Variants in NSF observed in about 807,000 individuals in gnomAD.
The protein encoded by NSF is vesicle-fusing ATPase.
NSF carries 14 observed loss-of-function variants against 50.3 expected under a neutral mutation model. The ratio of observed to expected loss-of-function variants is 0.28; its 90% CI spans 0.18 to 0.44. NSF has a LOEUF of 0.44. Among genes scored for constraint, NSF ranks in the 20% least tolerant of loss-of-function variants. The pLI is 1.00. For missense variants in NSF, 218 were observed against 504.3 expected (o/e 0.43, Z 5.44); for synonymous variants, 109 against 175.7 (o/e 0.62, Z 3.00).
At chr17:46,734,771 A>G (rs1348176951) in intron 17 of NSF, among the ~76,000 whole-genome samples, 1 of 152,194 alleles carries the variant, frequency 6.6e-6, no homozygotes, top group African/African-American at 2.4e-5. Flanking sequence ...AAAACAGTGA[A>G]ATAGGCCAGA....
At position 46,727,489 on chromosome 17, in the gene NSF, G is replaced by C. The variant is rs149220130; in HGVS notation, c.1828+874G>C. Among the ~76,000 whole-genome samples, 26 of 152,282 alleles carry C rather than the reference G, an allele frequency of 1.7e-4. No individual in the cohort carries two copies. The East Asian group carries it at 4.4e-3, about 26-fold the overall frequency. Reference sequence around the variant, plus strand: ...TCTTTAAGCTGTCCATAATGGTGTAGTCGTGATTTCAAGCTAACTGTTCTT... The same window carrying C: ...TCTTTAAGCTGTCCATAATGGTGTACTCGTGATTTCAAGCTAACTGTTCTT... On this transcript the variant is annotated intron_variant, in intron 16 of 20. Transcript: ENST00000398238.
At position 46,750,139 on chromosome 17, in the gene NSF, G is replaced by C. The variant is rs1271660263; in HGVS notation, c.2043+232G>C. The stretch of plus-strand genomic sequence containing the variant: ...AGGACGGGGCAGGTGGATCACTTGA[G>C]GTCAGGAGTTCGAGACCAGCCTGGC... On this transcript the variant is annotated intron_variant, in intron 18 of 20. Transcript: ENST00000398238. 1.3e-5 allele frequency among the ~76,000 whole-genome samples: 2 copies of C among 152,166 alleles called. 1 individual carries two copies. The highest frequency in any genetic ancestry group is 4.1e-4 in the South Asian group (2 of 4,826).
chr17:46,737,704 G>A (rs902165932), intron 17 of NSF, among the ~76,000 whole-genome samples: 4 of 151,856 alleles, frequency 2.6e-5, no homozygotes, highest in Non-Finnish European at 4.4e-5. Flanking sequence ...TATATGTTAC[G>A]TGGTTCCAGT....
chr17:46,717,709 C>T (rs954962920), intron 15 of NSF, among the ~76,000 whole-genome samples: 4 of 152,128 alleles, frequency 2.6e-5, no homozygotes, highest in African/African-American at 9.7e-5. Flanking sequence ...AAGACTCCAT[C>T]TAAAAAATAA....
At chr17:46,754,149 C>CTTTTTT (rs71363599) in intron 19 of NSF, among the ~76,000 whole-genome samples, 1 of 134,008 alleles carries the variant, frequency 7.5e-6, no homozygotes, top group Non-Finnish European at 1.6e-5. Flanking sequence ...CCAGCCAGTT[C>CTTTTTT]TTTTTTTTTT....
At chr17:46,748,562 C>G (rs2059153514) in intron 17 of NSF, among the ~76,000 whole-genome samples, 1 of 152,104 alleles carries the variant, frequency 6.6e-6, no homozygotes, top group Admixed American at 6.5e-5. Flanking sequence ...GCAGCATAGA[C>G]AGGGGAATAG....
chr17:46,745,468 C>T (rs1280005019), intron 17 of NSF, among the ~76,000 whole-genome samples: 1 of 152,204 alleles, frequency 6.6e-6, no homozygotes, highest in East Asian at 1.9e-4. Context: ...TATGGTTGCT[C>T]TACATTTCCC....
In NSF at chr17:46,713,989, A is replaced by G; in HGVS notation, c.1761+3A>G. On this transcript the variant is annotated splice_donor_region_variant and intron_variant, in intron 15 of 20. Transcript: ENST00000398238. ...CCAAATGTCAGGCCATGAAGAAGGT[A>G]TCAAGATTTTACTTTCATTTTAATT... 1.3e-6 allele frequency: 2 copies of G among 1,598,256 alleles called. No homozygotes were observed. Among genetic ancestry groups the G allele is most frequent in the Non-Finnish European group, 1.7e-6 (2 of 1,176,016 alleles).
intron 18 of NSF, among the ~76,000 whole-genome samples, chr17:46,750,799 C>A (rs988366910): frequency 1.3e-5 from 2 of 151,198 alleles, no homozygotes; most frequent in Non-Finnish European, 2.9e-5. Flanking sequence ...AGCACATTTC[C>A]TTGCATTTAA....
chr17:46,722,237 A>G, intron 15 of NSF: 1 of 1,231,620 alleles, frequency 8.1e-7, no homozygotes, highest in East Asian at 2.3e-5. Context: ...GCACGTCAAA[A>G]TCCCTACATT....
intron 20 of NSF, 24 bp downstream of exon 20, chr17:46,755,393 AC>A: frequency 6.3e-7 from 1 of 1,593,094 alleles, no homozygotes; most frequent in Non-Finnish European, 8.6e-7. Flanking sequence ...ACATTTAATG[AC>A]CATCAACCAA....
intron 1 of NSF, among the ~76,000 whole-genome samples, chr17:46,601,926 G>A (rs1368210191): frequency 2.1e-5 from 3 of 145,698 alleles, no homozygotes; most frequent in Non-Finnish European, 3.0e-5. Flanking sequence ...GCTCACACCT[G>A]TAATCCTAGC....
chr17:46,739,732 A>ATT (rs200703694), intron 17 of NSF, among the ~76,000 whole-genome samples: 1 of 147,146 alleles, frequency 6.8e-6, no homozygotes, highest in Non-Finnish European at 1.5e-5. Flanking sequence ...TTTTTTTCTG[A>ATT]TTTTTTTTTT....
intron 15 of NSF, among the ~76,000 whole-genome samples, chr17:46,718,800 A>G (rs1011622673): frequency 9.2e-5 from 14 of 152,224 alleles, no homozygotes; most frequent in Non-Finnish European, 1.8e-4. Context: ...AAAGTGTCAC[A>G]GTGCCTGGGA....
Position 46,750,134 on chromosome 17 carries a change from C to A in NSF, c.2043+227C>A, listed in dbSNP as rs1019532677. Among the ~76,000 whole-genome samples, 16 of 152,190 alleles carry A rather than the reference C, an allele frequency of 1.1e-4. No homozygotes were observed. The South Asian group carries it at 1.4e-3, about 14-fold the overall frequency. ...TTGGGAGGACGGGGCAGGTGGATCA[C>A]TTGAGGTCAGGAGTTCGAGACCAGC... On this transcript the variant is annotated intron_variant, in intron 18 of 20. Transcript: ENST00000398238.
intron 17 of NSF, among the ~76,000 whole-genome samples, chr17:46,741,195 T>A (rs1323319654): frequency 2.0e-5 from 3 of 152,192 alleles, no homozygotes; most frequent in African/African-American, 7.2e-5. Context: ...CACCCCAGGT[T>A]TCTCATCTGC....
At chr17:46,598,835 A>C (rs2057887926) in intron 1 of NSF, among the ~76,000 whole-genome samples, 2 of 149,944 alleles carry the variant, frequency 1.3e-5, no homozygotes, top group Non-Finnish European at 3.0e-5. Context: ...ACTACAAATC[A>C]AAACAAATAC....
Position 46,749,890 on chromosome 17 carries a change from C to T in NSF, c.2026C>T (p.Leu676=). 1 of 1,613,838 alleles carries T rather than the reference C, an allele frequency of 6.2e-7. No homozygotes were observed. The highest frequency in any genetic ancestry group is 2.2e-5 in the East Asian group (1 of 44,880). ...GCCCAACATTGCCACAGGAGAGCAGCTGTTGGAAGCTTTGGAGGTAAAAAT... is the reference window on the plus strand; with the variant it reads ...GCCCAACATTGCCACAGGAGAGCAGTTGTTGGAAGCTTTGGAGGTAAAAAT... ...HVPNIATGEQ[L]LEALELLGNF... is the part of the protein sequence containing the mutation. The change falls in exon 18 of 21, where the codon CTG becomes TTG. Residue 676 remains leucine (L), a synonymous_variant. Coordinates refer to ENST00000398238, the MANE Select transcript of NSF (RefSeq NM_006178.4).
chr17:46,749,225 A>G (rs2146337113), intron 17 of NSF, among the ~76,000 whole-genome samples: 1 of 152,338 alleles, frequency 6.6e-6, no homozygotes, highest in Middle Eastern at 3.4e-3. Flanking sequence ...TAGTTTTTAA[A>G]CTTTTTTTAA....
Sources: allele counts gnomAD v4.1 joint callset (sites outside exome capture counted in the v4.1 genomes callset), GRCh38; gene constraint gnomAD v4.1.1; transcripts MANE v1.5; gene names NCBI Gene and HGNC (gene_info 2026-07-23, HGNC 2026-07-21).